The following SOX30 variants were observed in gnomAD, a reference collection of about 807,000 sequenced individuals.
The protein encoded by SOX30 is transcription factor SOX-30.
A neutral mutation model predicts 58.6 loss-of-function variants in SOX30; 17 were observed. That is an observed-to-expected ratio of 0.29 (90% CI 0.20 to 0.44). The LOEUF is 0.44. SOX30 is among the 20% of genes least tolerant of loss of function. SOX30 has a pLI of 1.00. For synonymous variants in SOX30, 421 were observed against 400.2 expected, an observed-to-expected ratio of 1.05 and a Z score of -0.62; for missense variants, 951 against 965.8, an observed-to-expected ratio of 0.98 and a Z score of 0.20.
At chr5:157,640,599 CA>C (rs1360834005) in intron 3 of SOX30, among the ~76,000 whole-genome samples, 2 of 152,102 alleles carry the variant, frequency 1.3e-5, no homozygotes, top group Non-Finnish European at 2.9e-5. Flanking sequence ...AGCAGCATTC[CA>C]CCACAAATCT....
At chr5:157,647,061 ATT>A (rs33962778) in intron 2 of SOX30, among the ~76,000 whole-genome samples, 2,947 of 134,522 alleles carry the variant, frequency 0.022, 82 homozygotes, top group African/African-American at 0.079. Context: ...AGAGGGTCAA[ATT>A]TTTTTTTTTT....
At chr5:157,644,594 T>C (rs1030203456) in intron 3 of SOX30, among the ~76,000 whole-genome samples, 4 of 152,128 alleles carry the variant, frequency 2.6e-5, no homozygotes, top group African/African-American at 9.7e-5. Flanking sequence ...GAAGAGAAAA[T>C]ATACAGCATT....
intron 2 of SOX30, among the ~76,000 whole-genome samples, chr5:157,662,197 C>T (rs973991713): frequency 1.3e-5 from 2 of 152,190 alleles, no homozygotes; most frequent in African/African-American, 4.8e-5. Flanking sequence ...CAGAATGCTT[C>T]CTCTTTTAAT....
chr5:157,632,634 T>A (rs1758840450), intron 4 of SOX30, among the ~76,000 whole-genome samples: 1 of 152,074 alleles, frequency 6.6e-6, no homozygotes, highest in Admixed American at 6.6e-5. Context: ...AATGTCTGCA[T>A]CCAGTGGACA....
Position 157,652,423 on chromosome 5 carries a change from C to A in SOX30, c.-345G>T. ...TTGTCTTTAGTCATCCCTCCCCCAC[C>A]CGGAGCTGCGACAATGGCGTTGCCC... is the stretch of plus-strand genomic sequence containing the variant. On this transcript the variant is annotated 5_prime_UTR_variant, in exon 1 of 5. Transcript: ENST00000265007. 1 of 1,036,928 alleles carries A rather than the reference C, an allele frequency of 9.6e-7. No homozygotes were observed. The highest frequency in any genetic ancestry group is 1.2e-6 in the Non-Finnish European group (1 of 863,598). The allele number at this position is 1,036,928 out of a possible 1,614,324, so 64.2% of individuals were successfully genotyped here.
upstream of SOX30, among the ~76,000 whole-genome samples, chr5:157,653,841 A>C (rs1323729057): frequency 6.6e-6 from 1 of 152,168 alleles, no homozygotes; most frequent in Non-Finnish European, 1.5e-5. Context: ...TCAAACTTTT[A>C]TCTCAAGAAC....
At chr5:157,670,027 C>T (rs1422605939) in intron 1 of SOX30, among the ~76,000 whole-genome samples, 2 of 152,192 alleles carry the variant, frequency 1.3e-5, no homozygotes, top group African/African-American at 4.8e-5. Flanking sequence ...CCTCCTGAAC[C>T]CAGGTGGAAG....
Position 157,638,210 on chromosome 5 carries a change from G to GA in SOX30, c.1880+19dup, listed in dbSNP as rs755211134. 2.1e-5 allele frequency: 31 copies of GA among 1,506,452 alleles called. No homozygotes were observed. Among genetic ancestry groups the GA allele is most frequent in the Admixed American group, 9.2e-5 (4 of 43,428 alleles). The allele number at this position is 1,506,452 out of a possible 1,614,324, so 93.3% of individuals were successfully genotyped here. A position where few individuals can be genotyped will look rare whatever the true frequency, so the allele number is the denominator to read the frequency against. ...CATTAGCTGAATGTTTAGGTAAAAG[G>GA]AAAAAAAATGTTAATTTACCTTGAT... On this transcript the variant is annotated intron_variant, in intron 4 of 4. Coordinates refer to ENST00000265007, the MANE Select transcript of SOX30 (RefSeq NM_178424.2).
chr5:157,642,014 T>C (rs1314739685), intron 3 of SOX30, among the ~76,000 whole-genome samples: 2 of 152,066 alleles, frequency 1.3e-5, no homozygotes, highest in Non-Finnish European at 2.9e-5. Flanking sequence ...GAATACACAG[T>C]AAAATGAAAT....
In SOX30 at chr5:157,626,676, C is replaced by A; in HGVS notation, c.1926G>T (p.Pro642=). Residue 642 remains proline (P), a synonymous_variant, in exon 5 of 5, where the codon CCG becomes CCT. Transcript: ENST00000265007. The stretch of plus-strand genomic sequence containing the variant: ...AACTAAGGCATTCTGGCATTGAACT[C>A]GGAAAATTTCCATAGCCAAAGGGAG... ...SRPPFGYGNF[P]SSMPECLSYY... The A allele has an allele frequency of 6.2e-7, 1 of 1,612,938 alleles. No homozygotes were observed. The highest frequency in any genetic ancestry group is 1.3e-5 in the African/African-American group (1 of 74,910).
rs1214659235 is a variant in SOX30 at position 157,652,061 on chromosome 5, G to C, written c.18C>G (p.Pro6=). The part of the protein sequence containing the change: MERAR[P]EPPPQPRPLR... ...ACGGGCGCGGCTGAGGCGGCGGCTC[G>C]GGTCTGGCTCTCTCCATGGGGGAGG... Residue 6 remains proline (P), a synonymous_variant, in exon 1 of 5, where the codon CCC becomes CCG. Coordinates refer to ENST00000265007, the MANE Select transcript of SOX30 (RefSeq NM_178424.2). 39 of 1,422,008 alleles carry C rather than the reference G, an allele frequency of 2.7e-5. No homozygotes were observed. The highest frequency in any genetic ancestry group is 3.4e-5 in the Non-Finnish European group (37 of 1,096,620). The allele number at this position is 1,422,008 out of a possible 1,614,324, so 88.1% of individuals were successfully genotyped here. A position where few individuals can be genotyped will look rare whatever the true frequency, so the allele number is the denominator to read the frequency against.
At chr5:157,640,379 G>A (rs942431456) in intron 3 of SOX30, among the ~76,000 whole-genome samples, 1 of 152,136 alleles carries the variant, frequency 6.6e-6, no homozygotes, top group South Asian at 2.1e-4. Context: ...TGGCATAACT[G>A]GCATCAAAGA....
upstream of SOX30, among the ~76,000 whole-genome samples, chr5:157,655,707 C>T (rs561537587): frequency 9.9e-5 from 15 of 152,248 alleles, no homozygotes; most frequent in South Asian, 2.1e-4. Context: ...CTTCCCTGAA[C>T]GCCTGGCCTT....
In SOX30 at chr5:157,651,840, A is replaced by T. The variant is rs769124717; in HGVS notation, c.239T>A (p.Leu80Gln). Residue 80 changes from leucine to glutamine, a missense_variant, in exon 1 of 5, where the codon CTG (leucine) becomes CAG (glutamine). Physicochemically the swap from Leu to Gln is moderately radical, Grantham distance 113. Coordinates refer to ENST00000265007, the MANE Select transcript of SOX30 (RefSeq NM_178424.2). ...LLQVKPEQVL[L>Q]LPQPQAQNEE... ...GTTCTGGGCCTGAGGCTGTGGTAGC[A>T]GCAACACCTGCTCTGGCTTCACCTG... The T allele has an allele frequency of 2.0e-5, 32 of 1,585,426 alleles. No individual in the cohort carries two copies. The highest frequency in any genetic ancestry group is 2.5e-5 in the Non-Finnish European group (29 of 1,170,036).
intron 1 of SOX30, among the ~76,000 whole-genome samples, chr5:157,669,486 T>TTTTATTTATTTATTTA (rs35157596): frequency 3.5e-4 from 48 of 136,746 alleles, no homozygotes; most frequent in South Asian, 4.8e-4. Flanking sequence ...CGCCCATCAA[T>TTTTATTTATTTATTTA]TTTATTTATT....
chr5:157,648,595 C>A, intron 2 of SOX30, 62 bp downstream of exon 2: 3 of 1,508,908 alleles, frequency 2.0e-6, no homozygotes, highest in East Asian at 4.5e-5. Flanking sequence ...CTCAACCTAC[C>A]CTAATCTTTA....
intron 4 of SOX30, among the ~76,000 whole-genome samples, chr5:157,627,720 C>T (rs149647606): frequency 6.6e-6 from 1 of 152,020 alleles, no homozygotes; most frequent in Non-Finnish European, 1.5e-5. Flanking sequence ...TTTGGCCGGG[C>T]GCGGTGGCTC....
chr5:157,639,398 AT>A (rs1214749202), intron 3 of SOX30, among the ~76,000 whole-genome samples: 2 of 151,632 alleles, frequency 1.3e-5, no homozygotes, highest in East Asian at 1.9e-4. Flanking sequence ...ATGACATTTA[AT>A]TTTTTTCGTT....
chr5:157,641,546 G>A (rs1316281662), intron 3 of SOX30, among the ~76,000 whole-genome samples: 1 of 152,190 alleles, frequency 6.6e-6, no homozygotes, highest in African/African-American at 2.4e-5. Context: ...CTGGTAGGTG[G>A]AGGTTGCAGT....
Sources: gnomAD v4.1 joint callset for allele counts (sites outside exome capture counted in the v4.1 genomes callset) on GRCh38, gnomAD v4.1.1 for gene constraint, MANE v1.5 for transcripts, NCBI Gene and HGNC (gene_info 2026-07-23, HGNC 2026-07-21) for gene names.